Variants in SRSF7 observed in about 807,000 individuals in gnomAD.
SRSF7 encodes serine and arginine rich splicing factor 7, also known as serine/arginine-rich splicing factor 7.
In SRSF7, 15 loss-of-function variants were observed where a neutral mutation model predicts 42.2. The observed-to-expected ratio is 0.36, with a 90% CI of 0.24 to 0.55. SRSF7 has a LOEUF of 0.55. SRSF7 is among the 20% of genes least tolerant of loss of function. The pLI, the probability that SRSF7 is intolerant of heterozygous loss-of-function variation, is 0.88. For missense variants in SRSF7, 181 were observed against 305.9 expected, an observed-to-expected ratio of 0.59 and a Z score of 3.04; for synonymous variants, 138 against 107.9, an observed-to-expected ratio of 1.28 and a Z score of -1.73.
Position 38,744,686 on chromosome 2 carries a change from C to T in SRSF7, c.*447G>A. The T allele has an allele frequency of 6.1e-6, 1 of 163,908 alleles. No individual in the cohort carries two copies. Among genetic ancestry groups the T allele is most frequent in the Non-Finnish European group, 1.3e-5 (1 of 74,952 alleles). 10.2% of individuals were successfully genotyped at this position (163,908 alleles called of 1,614,324 possible). ...CTGTATCATAAGGGACTCAGGTCAT[C>T]TTACCCAGAGCTACAAGGGTAAGAT... is the stretch of plus-strand genomic sequence containing the variant. On this transcript the variant is annotated 3_prime_UTR_variant, in exon 8 of 8. Transcript: ENST00000313117.
At position 38,751,289 on chromosome 2, in the gene SRSF7, A is replaced by G; in HGVS notation, c.-33T>C. 1 of 1,613,916 alleles carries G rather than the reference A, an allele frequency of 6.2e-7. No homozygotes were observed. The highest frequency in any genetic ancestry group is 8.5e-7 in the Non-Finnish European group (1 of 1,179,852). On this transcript the variant is annotated 5_prime_UTR_variant, in exon 1 of 8. Coordinates refer to ENST00000313117, the MANE Select transcript of SRSF7 (RefSeq NM_001031684.3). ...GACCCGCGTGCTCGGCTCTTTAGCA[A>G]GCAGCGCCCAGGGCTCGAGTGACGC...
chr2:38,749,312 T>G, intron 3 of SRSF7: 1 of 1,502,650 alleles, frequency 6.7e-7, no homozygotes, highest in South Asian at 1.2e-5. Flanking sequence ...GCTCGTGACA[T>G]TCTGAATCAA....
intron 5 of SRSF7, among the ~76,000 whole-genome samples, chr2:38,747,681 G>T (rs556256223): frequency 6.6e-6 from 1 of 152,238 alleles, no homozygotes; most frequent in South Asian, 2.1e-4. Flanking sequence ...ACTTGCTTCT[G>T]ATCTCTTTTC....
intron 2 of SRSF7, 27 bp from the exon 3 acceptor site, chr2:38,749,732 T>A: frequency 6.6e-7 from 1 of 1,514,472 alleles, no homozygotes; most frequent in South Asian, 1.4e-5. Context: ...AACAAAATTC[T>A]AAAGTTAAAA....
At chr2:38,751,370 G>A (rs139175096), upstream of SRSF7, 613 of 1,440,134 alleles carry the variant, frequency 4.3e-4, 3 homozygotes, top group African/African-American at 7.4e-3. Context: ...ACGAGGAAGA[G>A]CCCGGGTTCG....
chr2:38,747,855 TA>T (rs747745310), intron 5 of SRSF7, among the ~76,000 whole-genome samples, 191 bp downstream of exon 5: 3 of 152,262 alleles, frequency 2.0e-5, no homozygotes, highest in Non-Finnish European at 4.4e-5. Context: ...TAACAAGCCT[TA>T]AAATCTCTAG....
chr2:38,749,911 AT>A, intron 2 of SRSF7, 102 bp downstream of exon 2: 4 of 1,357,150 alleles, frequency 2.9e-6, no homozygotes, highest in Non-Finnish European at 4.0e-6. Context: ...ATGACCAGCT[AT>A]TTAAGGTCTC....
At chr2:38,751,379 C>T, upstream of SRSF7, 3 of 1,354,766 alleles carry the variant, frequency 2.2e-6, no homozygotes, top group Non-Finnish European at 3.1e-6. Context: ...AGCCCGGGTT[C>T]GCGTTTATAT....
At chr2:38,746,057 G>A (rs1262961561) in intron 7 of SRSF7, 87 bp downstream of exon 7, 12 of 1,363,284 alleles carry the variant, frequency 8.8e-6, no homozygotes, top group African/African-American at 4.3e-5. Context: ...TCTCCAAAGA[G>A]CTCAAAGACT....
At chr2:38,748,678 C>T in intron 3 of SRSF7, 25 bp from the exon 4 acceptor site, 2 of 1,607,264 alleles carry the variant, frequency 1.2e-6, no homozygotes, top group Non-Finnish European at 1.7e-6. Flanking sequence ...AGAGAAAAAA[C>T]AAAATGTCAG....
chr2:38,751,252 G>A lies in SRSF7; in HGVS notation c.5C>T (p.Ser2Leu). 6.2e-7 allele frequency: 1 copy of A among 1,614,122 alleles called. No homozygotes were observed. The change falls in exon 1 of 8, where the codon TCG becomes TTG. Residue 2 changes from serine (S) to leucine (L), a missense_variant. By Grantham distance (145) the Ser-to-Leu change is moderately radical (BLOSUM62 -2). This residue lies in a region of SRSF7 where 45 missense variants were observed against 158.1 expected (regional missense o/e 0.28). Transcript: ENST00000313117. ...ACCTCCTCCGTACCGCCCGTAACGC[G>A]ACATGATGACAGACCCGCGTGCTCG... M[S>L]RYGRYGGETK...
In SRSF7 at chr2:38,744,760, T is replaced by C; in HGVS notation, c.*373A>G. The stretch of plus-strand genomic sequence containing the variant: ...TCCTGGCCAAGTTTTATGCATAGAA[T>C]AGTGATGTTCAAGACTTAACCAACA... On this transcript the variant is annotated 3_prime_UTR_variant, in exon 8 of 8. Transcript: ENST00000313117. The C allele has an allele frequency of 1.0e-5, 2 of 190,928 alleles. No homozygotes were observed. The highest frequency in any genetic ancestry group is 1.4e-4 in the East Asian group (1 of 7,156). The allele number at this position is 190,928 out of a possible 1,614,324, so 11.8% of individuals were successfully genotyped here. A position where few individuals can be genotyped will look rare whatever the true frequency, so the allele number is the denominator to read the frequency against.
At chr2:38,747,764 C>A (rs1425707549) in intron 5 of SRSF7, among the ~76,000 whole-genome samples, 1 of 152,114 alleles carries the variant, frequency 6.6e-6, no homozygotes, top group Non-Finnish European at 1.5e-5. Context: ...CAATCTGAAG[C>A]CAGAAAAGTT....
Position 38,746,711 on chromosome 2 carries a change from A to G in SRSF7, c.609T>C (p.Ile203=). The change falls in exon 6 of 8, where the codon ATT becomes ATC. Residue 203 remains isoleucine, a synonymous_variant. Coordinates refer to ENST00000313117, the MANE Select transcript of SRSF7 (RefSeq NM_001031684.3). ...PSRSRSRSRS[I]SRPRSSRSKS... ...TACCCTACCTGCTTCTTGGTCGTGAAATAGACCTGGATCTTGATCTTGACC... is the reference window on the plus strand; with the variant it reads ...TACCCTACCTGCTTCTTGGTCGTGAGATAGACCTGGATCTTGATCTTGACC... The G allele has an allele frequency of 5.0e-6, 8 of 1,613,826 alleles. No homozygotes were observed. The highest frequency in any genetic ancestry group is 6.8e-6 in the Non-Finnish European group (8 of 1,179,910).
In SRSF7 at chr2:38,751,279, C is replaced by A; in HGVS notation, c.-23G>T. The A allele has an allele frequency of 2.5e-6, 4 of 1,614,080 alleles. No homozygotes were observed. Among genetic ancestry groups the A allele is most frequent in the Non-Finnish European group, 3.4e-6 (4 of 1,179,910 alleles). ...CATGATGACAGACCCGCGTGCTCGG[C>A]TCTTTAGCAAGCAGCGCCCAGGGCT... On this transcript the variant is annotated 5_prime_UTR_variant, in exon 1 of 8. Coordinates refer to ENST00000313117, the MANE Select transcript of SRSF7 (RefSeq NM_001031684.3).
intron 7 of SRSF7, among the ~76,000 whole-genome samples, chr2:38,745,588 G>A (rs1001848963): frequency 1.3e-5 from 2 of 151,974 alleles, no homozygotes; most frequent in Non-Finnish European, 2.9e-5. Context: ...CCGGGAATCG[G>A]AGGCTGCAGT....
intron 3 of SRSF7, 112 bp from the exon 4 acceptor site, chr2:38,748,765 T>C: frequency 3.0e-5 from 39 of 1,312,068 alleles, no homozygotes; most frequent in Non-Finnish European, 3.6e-5. Flanking sequence ...AGTGTCTCAT[T>C]TGGAAATAAA....
Position 38,750,211 on chromosome 2 carries a change from A to G in SRSF7, c.29-17T>C, listed in dbSNP as rs1425790098. ...CCTTGGTTTCTGTTTAAAAACGCAAATAGAAGAATGCACGTTACGCAAAAT... is the reference window on the plus strand; with the variant it reads ...CCTTGGTTTCTGTTTAAAAACGCAAGTAGAAGAATGCACGTTACGCAAAAT... On this transcript the variant is annotated splice_polypyrimidine_tract_variant and intron_variant, in intron 1 of 7. Transcript: ENST00000313117. 6.3e-7 allele frequency: 1 copy of G among 1,582,764 alleles called. No individual in the cohort carries two copies. The highest frequency in any genetic ancestry group is 1.4e-5 in the African/African-American group (1 of 73,070).
At chr2:38,747,054 AAACT>A (rs1667535459) in intron 5 of SRSF7, 2 of 527,830 alleles carry the variant, frequency 3.8e-6, no homozygotes, top group Non-Finnish European at 7.5e-6. Context: ...GAAGGAAGCA[AAACT>A]AACCTCACTT....
Sources: allele counts gnomAD v4.1 joint callset (sites outside exome capture counted in the v4.1 genomes callset), GRCh38; gene constraint gnomAD v4.1.1; regional missense constraint gnomAD v4.1.1; transcripts MANE v1.5; gene names NCBI Gene and HGNC (gene_info 2026-07-23, HGNC 2026-07-21).